AK9: variants seen among roughly 807,000 people sequenced by gnomAD.
AK9 encodes the protein adenylate kinase 9, also known as adenylate kinase domain containing 1.
In AK9, 191 loss-of-function variants were observed where a neutral mutation model predicts 239.6. That is an observed-to-expected ratio of 0.80 (90% CI 0.71 to 0.90). AK9 has a LOEUF of 0.90. Among genes scored for constraint, AK9 ranks in the 40% least tolerant of loss-of-function variants. AK9 has a pLI of 0.00. For synonymous variants in AK9, 689 were observed against 721.0 expected, an observed-to-expected ratio of 0.96 and a Z score of 0.71; for missense variants, 1,995 against 2,214.7, an observed-to-expected ratio of 0.90 and a Z score of 1.99.
At chr6:109,654,779 G>A (rs1037790213) in intron 8 of AK9, among the ~76,000 whole-genome samples, 3 of 152,236 alleles carry the variant, frequency 2.0e-5, no homozygotes, top group Non-Finnish European at 2.9e-5. Flanking sequence ...GGAACATGGT[G>A]TTGGCTTAGC....
chr6:109,621,894 A>T (rs1481820819), intron 12 of AK9, among the ~76,000 whole-genome samples: 9 of 66,868 alleles, frequency 1.3e-4, no homozygotes, highest in African/African-American at 2.2e-4. Flanking sequence ...AAGTATAATT[A>T]AAAAAAAAAA....
At chr6:109,515,153 G>T in intron 31 of AK9, among the ~76,000 whole-genome samples, 1 of 152,176 alleles carries the variant, frequency 6.6e-6, no homozygotes, top group East Asian at 1.9e-4. Context: ...GCTACCAAGT[G>T]GTATTTTGTA....
Position 109,537,522 on chromosome 6 carries a change from T to G in AK9, c.3351-4052A>C, listed in dbSNP as rs1782194372. Among the ~76,000 whole-genome samples the G allele has an allele frequency of 1.4e-5, 2 of 138,936 alleles. 1 individual carries two copies. Among genetic ancestry groups the G allele is most frequent in the Non-Finnish European group, 3.3e-5 (2 of 60,804 alleles). 91.1% of individuals were successfully genotyped at this position (138,936 alleles called of 152,430 possible). On this transcript the variant is annotated intron_variant, in intron 27 of 40. Transcript: ENST00000424296. ...TCTTCTTCATTAGTCTTGCTAGCAG[T>G]CTATCAATTTTGTTGATCTTTTCAA...
intron 9 of AK9, among the ~76,000 whole-genome samples, chr6:109,643,125 G>A (rs1797660123): frequency 1.3e-5 from 2 of 152,018 alleles, no homozygotes; most frequent in African/African-American, 4.8e-5. Flanking sequence ...AGGGAAGAAG[G>A]GTGCAGAAAA....
rs73519230 is a variant in AK9 at position 109,606,086 on chromosome 6, G to T, written c.1842+4279C>A. Among the ~76,000 whole-genome samples, 1,206 of 151,868 alleles carry T rather than the reference G, an allele frequency of 7.9e-3. 26 individuals carry two copies. Among genetic ancestry groups the T allele is most frequent in the African/African-American group, 0.026 (1,067 of 41,394 alleles). ...AGTTTGATCAAATAAAATTAAAGTG[G>T]CACTTCCTTTTGACAAAAATGGTAT... On this transcript the variant is annotated intron_variant, in intron 17 of 40. Transcript: ENST00000424296.
rs183899474 is a variant in AK9, at chr6:109,509,344, T to A, written c.4316A>T (p.His1439Leu). ...KKITSEYGLK[H>L]LSIGGALRYV... is the part of the protein sequence containing the mutation. ...ACGCAAAGCTCCTCCTATTGATAAATGCTTTAACCCATATTCACTTGTAAT... is the reference window on the plus strand; with the variant it reads ...ACGCAAAGCTCCTCCTATTGATAAAAGCTTTAACCCATATTCACTTGTAAT... Residue 1439 changes from histidine to leucine, a missense_variant, in exon 33 of 41, where the codon CAT becomes CTT. His to Leu is a moderately conservative substitution (Grantham distance 99). Around this residue, in one of 5 missense-constraint regions of AK9, gnomAD observed 1,290 missense variants for 1,392.7 expected, o/e 0.93. Coordinates refer to ENST00000424296, the MANE Select transcript of AK9 (RefSeq NM_001145128.3). The A allele has an allele frequency of 4.2e-4, 646 of 1,551,636 alleles. 10 individuals are homozygous for A. The East Asian group carries it at 8.8e-3, about 21-fold the overall frequency.
intron 19 of AK9, among the ~76,000 whole-genome samples, chr6:109,582,410 A>G (rs1194764354): frequency 6.6e-6 from 1 of 152,214 alleles, no homozygotes; most frequent in African/African-American, 2.4e-5. Context: ...ATCCACATTA[A>G]CAGGAATTTG....
intron 31 of AK9, among the ~76,000 whole-genome samples, chr6:109,514,978 T>C (rs1378598009): frequency 6.6e-6 from 1 of 152,114 alleles, no homozygotes; most frequent in Non-Finnish European, 1.5e-5. Context: ...GGAAGAGACA[T>C]CAGGGTGGGC....
At chr6:109,529,736 C>A (rs1480508365) in intron 28 of AK9, among the ~76,000 whole-genome samples, 1 of 152,140 alleles carries the variant, frequency 6.6e-6, no homozygotes, top group Non-Finnish European at 1.5e-5. Context: ...GAGTGTGCAA[C>A]CTAGATCCCT....
chr6:109,495,343 C>A lies in AK9; in HGVS notation c.5413G>T (p.Glu1805Ter). The A allele has an allele frequency of 6.2e-7, 1 of 1,609,130 alleles. No individual in the cohort carries two copies. Among genetic ancestry groups the A allele is most frequent in the South Asian group, 1.1e-5 (1 of 90,608 alleles). The change falls in exon 39 of 41, where the codon GAA becomes TAA. Residue 1805 changes from glutamate (E) to a stop codon, truncating the protein, a stop_gained. Transcript: ENST00000424296. LOFTEE classifies it high-confidence loss of function. ...LTSLPLPGYL[E>*]QGIATSLIKA... The stretch of plus-strand genomic sequence containing the variant: ...AGAAAATTAAGTAAAAGAACCTGTT[C>A]CAGATATCCAGGCAAAGGAAGACTA...
At position 109,514,520 on chromosome 6, in the gene AK9, C is replaced by T. The variant is rs551196738; in HGVS notation, c.4066-83G>A. ...TGAAACATATTTGAAAAAAACAATT[C>T]GTGACATAAGAAAAAAAAATTCCTT... On this transcript the variant is annotated intron_variant, in intron 31 of 40. Coordinates refer to ENST00000424296, the MANE Select transcript of AK9 (RefSeq NM_001145128.3). 545 of 1,216,258 alleles carry T rather than the reference C, an allele frequency of 4.5e-4. 2 individuals are homozygous for T. The highest frequency in any genetic ancestry group is 1.4e-3 in the Middle Eastern group (5 of 3,478). The allele number at this position is 1,216,258 out of a possible 1,614,324, so 75.3% of individuals were successfully genotyped here.
chr6:109,546,516 CATTT>C (rs1448831467), intron 25 of AK9, among the ~76,000 whole-genome samples: 2 of 152,164 alleles, frequency 1.3e-5, no homozygotes, highest in Admixed American at 6.5e-5. Context: ...CAGCCTTCTC[CATTT>C]ATTACAGTAA....
intron 1 of AK9, among the ~76,000 whole-genome samples, chr6:109,680,212 G>T (rs1393592928): frequency 6.6e-6 from 1 of 152,102 alleles, no homozygotes; most frequent in Non-Finnish European, 1.5e-5. Flanking sequence ...CTTGATAAAA[G>T]GTTAGATGAA....
At chr6:109,649,061 T>C (rs1030348374) in intron 8 of AK9, among the ~76,000 whole-genome samples, 1 of 152,214 alleles carries the variant, frequency 6.6e-6, no homozygotes, top group Non-Finnish European at 1.5e-5. Context: ...CTAAAAACTC[T>C]CAATAAATTA....
At chr6:109,680,108 T>C (rs562549461) in intron 1 of AK9, among the ~76,000 whole-genome samples, 2 of 152,288 alleles carry the variant, frequency 1.3e-5, no homozygotes, top group Admixed American at 1.3e-4. Flanking sequence ...ATAAGTTTGA[T>C]GAACTGACAG....
intron 12 of AK9, among the ~76,000 whole-genome samples, chr6:109,626,977 T>G (rs1291512162): frequency 6.6e-6 from 1 of 152,122 alleles, no homozygotes; most frequent in Non-Finnish European, 1.5e-5. Flanking sequence ...TAACCTTGTC[T>G]TATTATAGCT....
At chr6:109,599,012 C>T (rs1342214112) in intron 17 of AK9, among the ~76,000 whole-genome samples, 1 of 152,130 alleles carries the variant, frequency 6.6e-6, no homozygotes, top group African/African-American at 2.4e-5. Context: ...AATTTTCTCC[C>T]ATTCTGTAGG....
At chr6:109,665,541 G>A (rs1388453155) in intron 5 of AK9, among the ~76,000 whole-genome samples, 1 of 152,174 alleles carries the variant, frequency 6.6e-6, no homozygotes, top group Non-Finnish European at 1.5e-5. Flanking sequence ...TGTGAGTCTA[G>A]CTTCCACTTG....
chr6:109,551,414 G>A (rs1037901246), intron 24 of AK9, among the ~76,000 whole-genome samples: 1 of 151,772 alleles, frequency 6.6e-6, no homozygotes, highest in Non-Finnish European at 1.5e-5. Flanking sequence ...AGCTATTCAG[G>A]AGGCTGAGGC....
Sources: gnomAD v4.1 joint callset for allele counts (sites outside exome capture counted in the v4.1 genomes callset) on GRCh38, gnomAD v4.1.1 for gene constraint, gnomAD v4.1.1 regional missense constraint, MANE v1.5 for transcripts, NCBI Gene and HGNC (gene_info 2026-07-23, HGNC 2026-07-21) for gene names.